The following RABGAP1L variants were observed in gnomAD, a reference collection of about 807,000 sequenced individuals.
RABGAP1L encodes RAB GTPase activating protein 1 like, also known as rab GTPase-activating protein 1-like.
RABGAP1L carries 63 observed loss-of-function variants against 137.7 expected under a neutral mutation model. The observed-to-expected ratio is 0.46, with a 90% confidence interval of 0.37 to 0.56. The LOEUF is 0.56. Ranked by LOEUF, RABGAP1L falls within the 20% of genes least tolerant of loss-of-function variation. The probability of loss-of-function intolerance (pLI) is 0.00; values close to 1 mark genes in which losing one functional copy is unlikely to be tolerated. For synonymous variants in RABGAP1L, 431 were observed against 433.7 expected, an observed-to-expected ratio of 0.99 and a Z score of 0.08; for missense variants, 1,095 against 1,244.0, an observed-to-expected ratio of 0.88 and a Z score of 1.80.
Position 174,262,145 on chromosome 1 carries a change from T to C in RABGAP1L, c.986+9555T>C, listed in dbSNP as rs568092977. Among the ~76,000 whole-genome samples, 4 of 152,342 alleles carry C rather than the reference T, an allele frequency of 2.6e-5. No homozygotes were observed. In the East Asian group the frequency reaches 7.7e-4, roughly 29 times the overall value. On this transcript the variant is annotated intron_variant, in intron 7 of 25. Coordinates refer to ENST00000681986, the MANE Select transcript of RABGAP1L (RefSeq NM_001366446.1). ...TCATGTGACAATTGATAGAAAGCTATTGGCATTTTCAGGTGAATAATTTGG... is the reference window on the plus strand; with the variant it reads ...TCATGTGACAATTGATAGAAAGCTACTGGCATTTTCAGGTGAATAATTTGG...
chr1:174,946,952 G>GTA (rs1666950883), intron 19 of RABGAP1L, among the ~76,000 whole-genome samples: 1 of 114,014 alleles, frequency 8.8e-6, no homozygotes, highest in Non-Finnish European at 1.9e-5. Flanking sequence ...GTGTGTGTGT[G>GTA]TGTGTGTGTG....
intron 11 of RABGAP1L, among the ~76,000 whole-genome samples, chr1:174,310,217 G>A (rs1471787837): frequency 6.6e-6 from 1 of 152,040 alleles, no homozygotes; most frequent in Non-Finnish European, 1.5e-5. Flanking sequence ...TCTCCTTGGT[G>A]TTCAGGAGCA....
chr1:174,718,531 C>T (rs538009668), intron 17 of RABGAP1L, among the ~76,000 whole-genome samples: 155 of 152,302 alleles, frequency 1.0e-3, no homozygotes, highest in African/African-American at 3.5e-3. Context: ...TGTCCTGGCT[C>T]GTCTGATGTC....
chr1:174,880,530 T>A (rs1184776202), intron 19 of RABGAP1L, among the ~76,000 whole-genome samples: 1 of 152,060 alleles, frequency 6.6e-6, no homozygotes, highest in Non-Finnish European at 1.5e-5. Flanking sequence ...AATTCTCTTT[T>A]TTTTTCTTTT....
intron 13 of RABGAP1L, among the ~76,000 whole-genome samples, chr1:174,628,772 T>C (rs919042017): frequency 6.6e-6 from 1 of 152,202 alleles, no homozygotes; most frequent in Non-Finnish European, 1.5e-5. Context: ...GTCTAGATAT[T>C]AGTGAAGTGG....
intron 1 of RABGAP1L, among the ~76,000 whole-genome samples, chr1:174,160,524 A>T (rs1447541309): frequency 1.3e-5 from 2 of 152,178 alleles, no homozygotes; most frequent in Non-Finnish European, 2.9e-5. Flanking sequence ...ATGTACCAAA[A>T]CTTGGGTGGT....
At chr1:174,195,574 A>ATTCTTTCTTTCTTTCTTTCTTTCTTTCT (rs201213056) in intron 1 of RABGAP1L, among the ~76,000 whole-genome samples, 2 of 74,566 alleles carry the variant, frequency 2.7e-5, no homozygotes, top group African/African-American at 7.6e-5. Flanking sequence ...TTCTTAATCA[A>ATTCTTTCTTTCTTTCTTTCTTTCTTTCT]TTCTTTCTTT....
At chr1:174,739,184 ACT>A (rs1382756095) in intron 17 of RABGAP1L, among the ~76,000 whole-genome samples, 2 of 152,084 alleles carry the variant, frequency 1.3e-5, no homozygotes, top group Admixed American at 1.3e-4. Context: ...AGGAACAAGC[ACT>A]CTCATCCATT....
At chr1:174,959,464 C>A (rs896745318) in intron 20 of RABGAP1L, among the ~76,000 whole-genome samples, 1 of 151,966 alleles carries the variant, frequency 6.6e-6, no homozygotes, top group East Asian at 1.9e-4. Flanking sequence ...TTTTTTGTGC[C>A]AAAGCAGGTA....
intron 13 of RABGAP1L, among the ~76,000 whole-genome samples, chr1:174,624,003 C>G (rs557752406): frequency 6.0e-4 from 91 of 152,346 alleles, no homozygotes; most frequent in South Asian, 3.5e-3. Context: ...GAGACTATGA[C>G]AGATGAAATG....
At chr1:174,927,998 T>C (rs1413531476) in intron 19 of RABGAP1L, among the ~76,000 whole-genome samples, 1 of 152,168 alleles carries the variant, frequency 6.6e-6, no homozygotes, top group Admixed American at 6.5e-5. Context: ...TTCCTTTGAT[T>C]AAAATCTTTC....
At chr1:174,925,889 G>GTTT (rs376200965) in intron 19 of RABGAP1L, among the ~76,000 whole-genome samples, 12 of 108,066 alleles carry the variant, frequency 1.1e-4, no homozygotes, top group Admixed American at 2.2e-4. Context: ...TTTTTTTTGT[G>GTTT]TTTTTTTTTT....
chr1:174,792,378 C>T (rs1228492947), intron 18 of RABGAP1L, among the ~76,000 whole-genome samples: 1 of 152,174 alleles, frequency 6.6e-6, no homozygotes, highest in Non-Finnish European at 1.5e-5. Flanking sequence ...ATAGGAGACC[C>T]AGTTTGCAGC....
At chr1:174,506,569 T>C (rs1273123264) in intron 13 of RABGAP1L, among the ~76,000 whole-genome samples, 1 of 151,912 alleles carries the variant, frequency 6.6e-6, no homozygotes, top group African/African-American at 2.4e-5. Context: ...CTACAAAAAA[T>C]AGGAATAAAT....
chr1:174,600,039 G>A (rs1217724151), intron 13 of RABGAP1L, among the ~76,000 whole-genome samples: 3 of 152,106 alleles, frequency 2.0e-5, no homozygotes, highest in Non-Finnish European at 2.9e-5. Context: ...CTTACAGTTC[G>A]ACATGGCTGA....
intron 19 of RABGAP1L, among the ~76,000 whole-genome samples, chr1:174,856,253 G>T (rs572834017): frequency 9.9e-5 from 15 of 152,140 alleles, no homozygotes; most frequent in Non-Finnish European, 1.6e-4. Flanking sequence ...AAAATTAGCC[G>T]GGTGTGGTGG....
chr1:174,480,547 C>T (rs1282186514), intron 13 of RABGAP1L, among the ~76,000 whole-genome samples: 6 of 152,198 alleles, frequency 3.9e-5, no homozygotes, highest in Non-Finnish European at 7.3e-5. Flanking sequence ...TCTGCTCCTC[C>T]GCCTTTAAGA....
At chr1:174,409,777 C>G (rs1173492588) in intron 13 of RABGAP1L, among the ~76,000 whole-genome samples, 1 of 152,138 alleles carries the variant, frequency 6.6e-6, no homozygotes, top group Non-Finnish European at 1.5e-5. Context: ...ACCCTGGTCT[C>G]CTGCCGTACC....
intron 19 of RABGAP1L, among the ~76,000 whole-genome samples, chr1:174,834,995 C>T (rs1452918037): frequency 2.6e-5 from 4 of 152,066 alleles, no homozygotes; most frequent in Non-Finnish European, 5.9e-5. Flanking sequence ...AGAGAGGAAA[C>T]TGTAGCAGTA....
Sources: allele counts gnomAD v4.1 joint callset (sites outside exome capture counted in the v4.1 genomes callset), GRCh38; gene constraint gnomAD v4.1.1; transcripts MANE v1.5; gene names NCBI Gene and HGNC (gene_info 2026-07-23, HGNC 2026-07-21).